The following ARHGAP42 variants were observed in gnomAD, a reference collection of about 807,000 sequenced individuals.
ARHGAP42 encodes rho GTPase-activating protein 42.
A neutral mutation model predicts 125.0 loss-of-function variants in ARHGAP42; 63 were observed. The ratio of observed to expected loss-of-function variants is 0.50; its 90% confidence interval spans 0.41 to 0.62. The LOEUF (loss-of-function observed/expected upper bound fraction) is 0.62, where lower values mean the gene tolerates loss of function less well. ARHGAP42 is among the 20% of genes least tolerant of loss of function. ARHGAP42 has a pLI of 0.00. For synonymous variants in ARHGAP42, 339 were observed against 351.0 expected, an observed-to-expected ratio of 0.97 and a Z score of 0.38; for missense variants, 766 against 1,024.2, an observed-to-expected ratio of 0.75 and a Z score of 3.44.
chr11:100,698,406 C>T (rs753015048), intron 1 of ARHGAP42, among the ~76,000 whole-genome samples: 3 of 152,106 alleles, frequency 2.0e-5, no homozygotes, highest in Non-Finnish European at 4.4e-5. Context: ...AGGAGGTCCG[C>T]GCTGCAGTGA....
At chr11:100,739,510 T>C (rs1349726335) in intron 1 of ARHGAP42, among the ~76,000 whole-genome samples, 3 of 152,240 alleles carry the variant, frequency 2.0e-5, no homozygotes, top group African/African-American at 7.2e-5. Context: ...TAGATAAAAA[T>C]ACTCTAATTT....
chr11:100,775,173 T>A (rs1863089344), intron 2 of ARHGAP42, among the ~76,000 whole-genome samples: 1 of 152,138 alleles, frequency 6.6e-6, no homozygotes, highest in Admixed American at 6.5e-5. Context: ...GCCTATTGAG[T>A]CCATCCACAT....
At chr11:100,830,548 A>C (rs1470984343) in intron 3 of ARHGAP42, among the ~76,000 whole-genome samples, 1 of 152,186 alleles carries the variant, frequency 6.6e-6, no homozygotes, top group African/African-American at 2.4e-5. Context: ...CTACTGAACA[A>C]GAAGCTGCAG....
At chr11:100,985,972 GA>G (rs1401402495) in intron 22 of ARHGAP42, 16 of 452,196 alleles carry the variant, frequency 3.5e-5, no homozygotes, top group African/African-American at 2.4e-4. Context: ...ATAGTGCTGG[GA>G]CCCCAAGGAG....
chr11:100,800,491 G>T (rs1863825290), intron 3 of ARHGAP42, among the ~76,000 whole-genome samples: 1 of 152,112 alleles, frequency 6.6e-6, no homozygotes, highest in African/African-American at 2.4e-5. Context: ...ATGTTTTATG[G>T]ACAGGATCTT....
chr11:100,822,104 A>G (rs1022439444), intron 3 of ARHGAP42, among the ~76,000 whole-genome samples: 1 of 152,260 alleles, frequency 6.6e-6, no homozygotes, highest in East Asian at 1.9e-4. Context: ...CAAGATCTCT[A>G]TAGGGTGGCA....
chr11:100,712,632 A>G (rs1388556320), intron 1 of ARHGAP42, among the ~76,000 whole-genome samples: 1 of 152,016 alleles, frequency 6.6e-6, no homozygotes, highest in African/African-American at 2.4e-5. Context: ...TGCAGGTGTA[A>G]TTCTCCAGAG....
At chr11:100,752,511 A>G (rs1164886337) in intron 1 of ARHGAP42, among the ~76,000 whole-genome samples, 2 of 152,178 alleles carry the variant, frequency 1.3e-5, no homozygotes, top group Non-Finnish European at 2.9e-5. Flanking sequence ...CCCTAGGGGT[A>G]GGAGTCCCTG....
chr11:100,787,264 T>C (rs748753322), intron 2 of ARHGAP42, among the ~76,000 whole-genome samples: 115 of 149,570 alleles, frequency 7.7e-4, no homozygotes, highest in Non-Finnish European at 1.1e-3. Context: ...GGGAACAGAG[T>C]GAGACTCCGT....
chr11:100,760,606 C>T (rs1862678460), intron 1 of ARHGAP42, among the ~76,000 whole-genome samples: 1 of 151,606 alleles, frequency 6.6e-6, no homozygotes, highest in Non-Finnish European at 1.5e-5. Context: ...GAGACTGAGG[C>T]AAGAGAATCG....
intron 1 of ARHGAP42, among the ~76,000 whole-genome samples, chr11:100,738,035 GA>G (rs149781874): frequency 0.014 from 2,057 of 152,256 alleles, 62 homozygotes; most frequent in African/African-American, 0.046. Flanking sequence ...AATGTCAAAA[GA>G]AGACTTTATT....
intron 1 of ARHGAP42, among the ~76,000 whole-genome samples, chr11:100,750,052 G>T (rs970582979): frequency 6.6e-6 from 1 of 152,222 alleles, no homozygotes; most frequent in South Asian, 2.1e-4. Flanking sequence ...TGCCACAAGG[G>T]GGTGGGATGC....
intron 1 of ARHGAP42, among the ~76,000 whole-genome samples, chr11:100,713,730 T>C (rs914965899): frequency 1.3e-5 from 2 of 152,246 alleles, no homozygotes; most frequent in African/African-American, 2.4e-5. Context: ...AACATTGTTA[T>C]TGGCTATCCT....
chr11:100,826,864 A>G (rs1231101963), intron 3 of ARHGAP42, among the ~76,000 whole-genome samples: 1 of 152,178 alleles, frequency 6.6e-6, no homozygotes, highest in Admixed American at 6.6e-5. Context: ...AGATCAAGCT[A>G]GAGATTTTCA....
intron 3 of ARHGAP42, among the ~76,000 whole-genome samples, chr11:100,822,188 C>G (rs990196830): frequency 6.6e-6 from 1 of 151,936 alleles, no homozygotes; most frequent in African/African-American, 2.4e-5. Context: ...TATTTTCGTT[C>G]CAGAATAAAA....
At chr11:100,815,069 G>A (rs1480172079) in intron 3 of ARHGAP42, among the ~76,000 whole-genome samples, 1 of 152,108 alleles carries the variant, frequency 6.6e-6, no homozygotes, top group African/African-American at 2.4e-5. Context: ...TTTTCTTTAT[G>A]GAACTTACTA....
At chr11:100,838,530 C>T (rs567439009) in intron 3 of ARHGAP42, among the ~76,000 whole-genome samples, 1 of 151,870 alleles carries the variant, frequency 6.6e-6, no homozygotes, top group East Asian at 1.9e-4. Flanking sequence ...AATGGTGAGA[C>T]CTTGCCTCTA....
Position 100,760,668 on chromosome 11 carries a change from C to T in ARHGAP42, c.155-9675C>T, listed in dbSNP as rs182679026. On this transcript the variant is annotated intron_variant, in intron 1 of 23. Coordinates refer to ENST00000298815, the MANE Select transcript of ARHGAP42 (RefSeq NM_152432.4). ...GTGAGCCGAGATTGCGCCACTGCAC[C>T]CCAGCCCAGGTGACAGAGCAAGACT... Among the ~76,000 whole-genome samples, 17 of 151,322 alleles carry T rather than the reference C, an allele frequency of 1.1e-4. No homozygotes were observed. In the East Asian group the frequency reaches 3.3e-3, roughly 29 times the overall value.
intron 3 of ARHGAP42, among the ~76,000 whole-genome samples, chr11:100,826,749 C>A (rs1864523066): frequency 6.6e-6 from 1 of 152,132 alleles, no homozygotes. Flanking sequence ...CTAAGAAATC[C>A]TTCCTGCTCA....
Sources: allele counts gnomAD v4.1 joint callset (sites outside exome capture counted in the v4.1 genomes callset), GRCh38; gene constraint gnomAD v4.1.1; transcripts MANE v1.5; gene names NCBI Gene and HGNC (gene_info 2026-07-23, HGNC 2026-07-21).